Variants in GSK3B observed in about 807,000 individuals in gnomAD.
GSK3B encodes glycogen synthase kinase-3 beta.
In GSK3B, 15 loss-of-function variants were observed where a neutral mutation model predicts 56.4. That is an observed-to-expected ratio of 0.27 (90% CI 0.18 to 0.41). GSK3B has a LOEUF of 0.41. Ranked by LOEUF, GSK3B falls within the 10% of genes least tolerant of loss-of-function variation. The probability of loss-of-function intolerance (pLI) is 1.00; values close to 1 mark genes in which losing one functional copy is unlikely to be tolerated. For synonymous variants in GSK3B, 181 were observed against 188.9 expected (o/e 0.96, Z 0.34); for missense variants, 300 against 513.4 (o/e 0.58, Z 4.02).
At chr3:119,945,811 T>A (rs2057094368) in intron 3 of GSK3B, among the ~76,000 whole-genome samples, 1 of 152,088 alleles carries the variant, frequency 6.6e-6, no homozygotes, top group African/African-American at 2.4e-5. Context: ...TCCAGCAGTT[T>A]ATGGAACAAA....
At chr3:120,024,445 A>G (rs1017635784) in intron 1 of GSK3B, among the ~76,000 whole-genome samples, 6 of 152,234 alleles carry the variant, frequency 3.9e-5, no homozygotes, top group African/African-American at 1.4e-4. Flanking sequence ...CTACACACAT[A>G]CAGCCTAGTT....
At chr3:120,048,458 G>A (rs959882345) in intron 1 of GSK3B, among the ~76,000 whole-genome samples, 7 of 152,160 alleles carry the variant, frequency 4.6e-5, no homozygotes, top group African/African-American at 1.7e-4. Context: ...GTTAAATACT[G>A]GCTCTGCCAC....
At chr3:119,852,374 A>G (rs1340717904) in intron 9 of GSK3B, among the ~76,000 whole-genome samples, 1 of 151,570 alleles carries the variant, frequency 6.6e-6, no homozygotes, top group African/African-American at 2.4e-5. Flanking sequence ...TTAAAGACAG[A>G]GTCTCGCTCT....
At chr3:120,082,896 A>C (rs2058433306) in intron 1 of GSK3B, among the ~76,000 whole-genome samples, 1 of 152,190 alleles carries the variant, frequency 6.6e-6, no homozygotes. Context: ...TTCATAGAAA[A>C]TTAAAATTAC....
intron 1 of GSK3B, among the ~76,000 whole-genome samples, chr3:120,008,286 G>A (rs62457667): frequency 0.06 from 9,190 of 152,168 alleles, 898 homozygotes; most frequent in African/African-American, 0.21. Context: ...AATCAATATC[G>A]TGAAAATGGC....
At chr3:120,056,570 C>G (rs1232621934) in intron 1 of GSK3B, among the ~76,000 whole-genome samples, 1 of 152,126 alleles carries the variant, frequency 6.6e-6, no homozygotes, top group Non-Finnish European at 1.5e-5. Flanking sequence ...GAACTCCTGA[C>G]CTCAAGTGAT....
At position 120,029,701 on chromosome 3, in the gene GSK3B, T is replaced by C. The variant is rs1287064239; in HGVS notation, c.89-27462A>G. On this transcript the variant is annotated intron_variant, in intron 1 of 10. Coordinates refer to ENST00000264235, the MANE Select transcript of GSK3B (RefSeq NM_001146156.2). ...GCCATGGATACAGCAGAAATCTTCA[T>C]GGGATGGAAATTTTTTTATCATGCA... The C allele has an allele frequency of 1.3e-5, 7 of 532,692 alleles. No individual in the cohort carries two copies. The East Asian group carries it at 2.4e-4, about 18-fold the overall frequency. The allele number at this position is 532,692 out of a possible 1,614,324, so 33.0% of individuals were successfully genotyped here.
intron 2 of GSK3B, among the ~76,000 whole-genome samples, chr3:119,994,056 G>C (rs891334759): frequency 1.3e-5 from 2 of 152,058 alleles, no homozygotes; most frequent in African/African-American, 2.4e-5. Flanking sequence ...TAGAGACGGG[G>C]TTTCACCATG....
Position 120,040,616 on chromosome 3 carries a change from A to C in GSK3B, c.89-38377T>G, listed in dbSNP as rs1271311613. Among the ~76,000 whole-genome samples the C allele has an allele frequency of 3.3e-5, 5 of 152,138 alleles. No homozygotes were observed. The East Asian group carries it at 7.7e-4, about 23-fold the overall frequency. ...GCCTAACTAGGACCCAACATGGGAA[A>C]TACGCCAAGCAAGACAAGAAGTAAA... On this transcript the variant is annotated intron_variant, in intron 1 of 10. Coordinates refer to ENST00000264235, the MANE Select transcript of GSK3B (RefSeq NM_001146156.2).
intron 3 of GSK3B, among the ~76,000 whole-genome samples, chr3:119,944,317 T>G (rs2057078644): frequency 6.6e-6 from 1 of 152,094 alleles, no homozygotes; most frequent in Non-Finnish European, 1.5e-5. Flanking sequence ...TTTTACTGTC[T>G]TACCCTAGAG....
chr3:119,863,521 G>A lies in GSK3B; in HGVS notation c.994C>T (p.Leu332=). 1 of 1,613,536 alleles carries A rather than the reference G, an allele frequency of 6.2e-7. No individual in the cohort carries two copies. Among genetic ancestry groups the A allele is most frequent in the Non-Finnish European group, 8.5e-7 (1 of 1,179,412 alleles). Residue 332 remains leucine (L), a synonymous_variant, in exon 9 of 11, where the codon CTG becomes TTG. Transcript: ENST00000264235. ...AAAAATGAATGTGCACAAGCTTCCA[G>A]TGGTGTTAGTCGGGCAGTTGGTGTA... is the stretch of plus-strand genomic sequence containing the variant. The part of the protein sequence containing the change: ...EYTPTARLTP[L]EACAHSFFDE...
rs2055406415 is a variant in GSK3B, at chr3:119,821,393, A to T, written c.*5395T>A. On this transcript the variant is annotated 3_prime_UTR_variant, in exon 11 of 11. Transcript: ENST00000264235. ...ATCTAGCCTTTAGATTAGGCCTGAC[A>T]GAGTGAGCCAGCCCTAAAAAAATGA... is the stretch of plus-strand genomic sequence containing the variant. 3 of 152,256 alleles carry T rather than the reference A, an allele frequency of 2.0e-5. No homozygotes were observed. The South Asian group carries it at 6.2e-4, about 31-fold the overall frequency. 9.4% of individuals were successfully genotyped at this position (152,256 alleles called of 1,614,324 possible). A position where few individuals can be genotyped will look rare whatever the true frequency, so the allele number is the denominator to read the frequency against.
Position 120,092,185 on chromosome 3 carries a change from T to C in GSK3B, c.88+1162A>G, listed in dbSNP as rs551588405. On this transcript the variant is annotated intron_variant, in intron 1 of 10. Transcript: ENST00000264235. Reference sequence around the variant, plus strand: ...AATACCACATGAACTTCTCCATAAATAGAGATACACTGGAACATTAGATAC... The same window carrying C: ...AATACCACATGAACTTCTCCATAAACAGAGATACACTGGAACATTAGATAC... Among the ~76,000 whole-genome samples, 8 of 152,280 alleles carry C rather than the reference T, an allele frequency of 5.3e-5. No individual in the cohort carries two copies. The South Asian group carries it at 6.2e-4, about 12-fold the overall frequency.
At chr3:119,916,285 GGA>G (rs762269446) in intron 4 of GSK3B, 111 bp from the exon 5 acceptor site, 4 of 805,792 alleles carry the variant, frequency 5.0e-6, no homozygotes, top group Non-Finnish European at 7.8e-6. Flanking sequence ...GAAATGCTAT[GGA>G]TTACTGGCAC....
chr3:119,834,733 A>G (rs936493325), intron 10 of GSK3B, among the ~76,000 whole-genome samples: 1 of 152,242 alleles, frequency 6.6e-6, no homozygotes, highest in Non-Finnish European at 1.5e-5. Flanking sequence ...ACTGAGGAAC[A>G]CTTCAGGGAC....
chr3:120,034,666 A>G (rs955436569), intron 1 of GSK3B, among the ~76,000 whole-genome samples: 2 of 152,088 alleles, frequency 1.3e-5, no homozygotes, highest in Non-Finnish European at 2.9e-5. Flanking sequence ...TTATTTTTCA[A>G]TTTTTGAGGG....
At chr3:119,941,257 T>G (rs1052992246) in intron 3 of GSK3B, among the ~76,000 whole-genome samples, 1 of 152,154 alleles carries the variant, frequency 6.6e-6, no homozygotes, top group African/African-American at 2.4e-5. Context: ...CCCCAGGAGA[T>G]TCACCCGCCT....
intron 6 of GSK3B, among the ~76,000 whole-genome samples, chr3:119,909,322 T>C (rs934099770): frequency 1.3e-5 from 2 of 152,174 alleles, no homozygotes; most frequent in Non-Finnish European, 1.5e-5. Context: ...GGTCTGTTTT[T>C]TGTTTGTTTT....
chr3:120,028,767 G>T, intron 1 of GSK3B: 1 of 473,642 alleles, frequency 2.1e-6, no homozygotes, highest in Non-Finnish European at 4.2e-6. Flanking sequence ...GGCAGAGAGA[G>T]GTTGGGGCAG....
Sources: allele counts gnomAD v4.1 joint callset (sites outside exome capture counted in the v4.1 genomes callset), GRCh38; gene constraint gnomAD v4.1.1; transcripts MANE v1.5; gene names NCBI Gene and HGNC (gene_info 2026-07-23, HGNC 2026-07-21).